The following SPAG17 variants were observed in gnomAD, a reference collection of about 807,000 sequenced individuals.
The protein encoded by SPAG17 is sperm associated antigen 17, also known as sperm-associated antigen 17.
SPAG17 carries 169 observed loss-of-function variants against 273.6 expected under a neutral mutation model. The observed-to-expected ratio is 0.62, with a 90% CI of 0.55 to 0.70. SPAG17 has a LOEUF of 0.70. SPAG17 is among the 30% of genes least tolerant of loss of function. SPAG17 has a pLI of 0.00. For missense variants in SPAG17, 2,557 were observed against 2,627.8 expected, an observed-to-expected ratio of 0.97 and a Z score of 0.59; for synonymous variants, 825 against 873.2, an observed-to-expected ratio of 0.94 and a Z score of 0.97.
intron 1 of SPAG17, among the ~76,000 whole-genome samples, chr1:118,153,840 G>A (rs753870242): frequency 4.6e-5 from 7 of 151,730 alleles, no homozygotes; most frequent in South Asian, 2.1e-4. Flanking sequence ...GCGAGACTCC[G>A]TCTCAAAGAA....
At chr1:118,105,926 C>T (rs982488214) in intron 4 of SPAG17, among the ~76,000 whole-genome samples, 1 of 152,136 alleles carries the variant, frequency 6.6e-6, no homozygotes, top group South Asian at 2.1e-4. Flanking sequence ...TTGTCCAGGG[C>T]AGAGATTTCC....
intron 30 of SPAG17, among the ~76,000 whole-genome samples, chr1:118,009,606 C>A (rs1285508117): frequency 6.6e-6 from 1 of 152,022 alleles, no homozygotes; most frequent in Non-Finnish European, 1.5e-5. Flanking sequence ...AAATTAGATG[C>A]CTTGAGGATC....
chr1:118,111,984 A>T (rs1656789000), intron 4 of SPAG17, among the ~76,000 whole-genome samples: 1 of 152,230 alleles, frequency 6.6e-6, no homozygotes, highest in African/African-American at 2.4e-5. Context: ...TTAAAAGCAC[A>T]GTTGGAATAT....
intron 48 of SPAG17, chr1:117,959,651 C>A: frequency 2.3e-6 from 1 of 442,738 alleles, no homozygotes; most frequent in Non-Finnish European, 3.8e-6. Context: ...ACTTAAAATG[C>A]ATTATTAGTT....
At chr1:117,962,783 GC>G (rs1653277558) in intron 48 of SPAG17, 1 of 152,206 alleles carries the variant, frequency 6.6e-6, no homozygotes, top group Admixed American at 6.5e-5. Context: ...CTAGGACAGT[GC>G]CCAGGAAAGC....
At chr1:118,041,735 T>C in intron 21 of SPAG17, 68 bp downstream of exon 21, 1 of 1,546,766 alleles carries the variant, frequency 6.5e-7, no homozygotes, top group Non-Finnish European at 8.7e-7. Flanking sequence ...AATCTTATAA[T>C]AACCGTATTT....
At chr1:117,954,514 T>C in intron 48 of SPAG17, 1 of 1,443,760 alleles carries the variant, frequency 6.9e-7, no homozygotes, top group South Asian at 1.2e-5. Context: ...GTTACCACTC[T>C]GTCTATAACA....
At chr1:118,131,658 C>A (rs1047540905) in intron 3 of SPAG17, among the ~76,000 whole-genome samples, 16 of 152,140 alleles carry the variant, frequency 1.1e-4, no homozygotes, top group Admixed American at 6.5e-4. Context: ...ATGTTTTATG[C>A]TGTTTAACTG....
At chr1:118,167,213 T>G (rs1660210989) in intron 1 of SPAG17, among the ~76,000 whole-genome samples, 1 of 152,192 alleles carries the variant, frequency 6.6e-6, no homozygotes, top group African/African-American at 2.4e-5. Context: ...ATTCTCTGAT[T>G]TTTTTAAAAG....
At chr1:118,051,028 G>A (rs147006554) in intron 20 of SPAG17, among the ~76,000 whole-genome samples, 52 of 151,968 alleles carry the variant, frequency 3.4e-4, no homozygotes, top group African/African-American at 1.3e-3. Flanking sequence ...TATACCTAAG[G>A]AACTCAACTC....
intron 32 of SPAG17, among the ~76,000 whole-genome samples, chr1:118,001,178 G>T (rs772151502): frequency 1.3e-5 from 2 of 152,172 alleles, no homozygotes; most frequent in Non-Finnish European, 2.9e-5. Flanking sequence ...AAGCCGACCT[G>T]AACATGGCGG....
chr1:118,025,694 G>A (rs549116367), intron 26 of SPAG17, among the ~76,000 whole-genome samples: 6 of 152,138 alleles, frequency 3.9e-5, no homozygotes, highest in African/African-American at 1.4e-4. Context: ...GTCTCATTAT[G>A]TTGGCTAGGC....
At chr1:118,165,530 G>A (rs1660123735) in intron 1 of SPAG17, among the ~76,000 whole-genome samples, 1 of 151,396 alleles carries the variant, frequency 6.6e-6, no homozygotes, top group South Asian at 2.1e-4. Flanking sequence ...ATTTTCTTAG[G>A]TTGGTGCCAA....
chr1:118,104,190 GAAGA>G (rs2102227820), intron 4 of SPAG17, among the ~76,000 whole-genome samples: 1 of 152,298 alleles, frequency 6.6e-6, no homozygotes, highest in Admixed American at 6.5e-5. Context: ...TTGGCAGAGT[GAAGA>G]AAGATAGATT....
chr1:118,161,834 C>A (rs2102373495), intron 1 of SPAG17, among the ~76,000 whole-genome samples: 1 of 152,312 alleles, frequency 6.6e-6, no homozygotes, highest in African/African-American at 2.4e-5. Context: ...GGCGTCCGGC[C>A]AGGGAAGGGT....
chr1:117,964,905 T>A (rs543458342), intron 47 of SPAG17: 2 of 152,226 alleles, frequency 1.3e-5, no homozygotes, highest in African/African-American at 4.8e-5. Flanking sequence ...TGTTTTTTAT[T>A]ATTCTTTTGC....
intron 5 of SPAG17, 139 bp from the exon 6 acceptor site, chr1:118,099,939 T>A: frequency 3.0e-6 from 2 of 662,108 alleles, no homozygotes; most frequent in South Asian, 4.3e-5. Context: ...TTGGCTGGAA[T>A]GCAGTCATGT....
At chr1:117,992,314 C>T (rs1006135905) in intron 36 of SPAG17, 152 bp downstream of exon 36, 31 of 638,284 alleles carry the variant, frequency 4.9e-5, no homozygotes, top group Admixed American at 1.8e-4. Flanking sequence ...ATATTTTCTA[C>T]CTCTCAACCC....
intron 1 of SPAG17, among the ~76,000 whole-genome samples, 162 bp downstream of exon 1, chr1:118,184,909 G>C (rs996530769): frequency 6.6e-6 from 1 of 152,032 alleles, no homozygotes; most frequent in Non-Finnish European, 1.5e-5. Context: ...AGTTCCGTTC[G>C]TTTATCAAGC....
Sources: gnomAD v4.1 joint callset for allele counts (sites outside exome capture counted in the v4.1 genomes callset) on GRCh38, gnomAD v4.1.1 for gene constraint, MANE v1.5 for transcripts, NCBI Gene and HGNC (gene_info 2026-07-23, HGNC 2026-07-21) for gene names.